NOS2: variants seen among roughly 807,000 people sequenced by gnomAD.
NOS2 encodes nitric oxide synthase 2, also known as nitric oxide synthase, inducible.
NOS2 carries 96 observed loss-of-function variants against 136.0 expected under a neutral mutation model. The observed-to-expected ratio is 0.71, with a 90% CI of 0.60 to 0.84. NOS2 has a LOEUF of 0.84. NOS2 is among the 40% of genes least tolerant of loss of function. The probability of loss-of-function intolerance (pLI) is 0.00; values close to 1 mark genes in which losing one functional copy is unlikely to be tolerated. For missense variants in NOS2, 1,237 were observed against 1,496.9 expected (o/e 0.83, Z 2.87); for synonymous variants, 539 against 587.5 (o/e 0.92, Z 1.20).
chr17:27,773,030 G>T, intron 13 of NOS2, 131 bp downstream of exon 13: 1 of 793,468 alleles, frequency 1.3e-6, no homozygotes, highest in Non-Finnish European at 2.2e-6. Flanking sequence ...GTAAGACCCT[G>T]TCTCAAAAAC....
At position 27,783,041 on chromosome 17, in the gene NOS2, G is replaced by A. The variant is rs746500685; in HGVS notation, c.533C>T (p.Thr178Ile). Residue 178 changes from threonine to isoleucine, a missense_variant, in exon 6 of 27, where the codon ACC (threonine) becomes ATC (isoleucine). This residue lies in a region of NOS2 where 440 missense variants were observed against 545.4 expected (regional missense o/e 0.81). Transcript: ENST00000313735. ...AVTKEIETTG[T>I]YQLTGDELIF... ...GAGCTCATCTCCCGTCAGTTGGTAG[G>A]TTCCTGTTGTTTCTATCTCCTTTGT... 1.2e-6 allele frequency: 2 copies of A among 1,614,074 alleles called. No individual in the cohort carries two copies. The highest frequency in any genetic ancestry group is 2.2e-5 in the East Asian group (1 of 44,894).
chr17:27,766,838 A>G (rs28662210), intron 18 of NOS2, among the ~76,000 whole-genome samples: 102,971 of 151,870 alleles, frequency 0.68, 35,406 homozygotes, highest in South Asian at 0.84. Context: ...CTGGAGGTCA[A>G]GAGTTTGAGA....
Position 27,762,868 on chromosome 17 carries a change from G to A in NOS2, c.2730C>T (p.Ile910=), listed in dbSNP as rs1908177332. The change falls in exon 22 of 27, where the codon ATC becomes ATT. Residue 910 remains isoleucine (I), a synonymous_variant. Transcript: ENST00000313735. ...LPILKPRFYS[I]SSSRDHTPTE... ...TGGGCGTGTGATCCCGGGAGGAGCT[G>A]ATGGAGTAGAACCTGGGCTTCAGAA... 1.3e-6 allele frequency: 2 copies of A among 1,582,980 alleles called. No homozygotes were observed. Among genetic ancestry groups the A allele is most frequent in the South Asian group, 1.2e-5 (1 of 86,248 alleles).
At chr17:27,768,828 C>G in intron 17 of NOS2, 149 bp downstream of exon 17, 1 of 811,956 alleles carries the variant, frequency 1.2e-6, no homozygotes, top group Non-Finnish European at 1.8e-6. Flanking sequence ...CCTAAGCCCT[C>G]AGGTTTGTGG....
chr17:27,759,439 A>AT (rs1304696008), intron 25 of NOS2, among the ~76,000 whole-genome samples: 1 of 152,114 alleles, frequency 6.6e-6, no homozygotes, highest in Admixed American at 6.5e-5. Context: ...CAGTCTACCC[A>AT]TTAGGTCTCT....
chr17:27,759,952 C>G (rs1371552152), intron 25 of NOS2, 78 bp downstream of exon 25: 2 of 1,381,826 alleles, frequency 1.4e-6, no homozygotes, highest in African/African-American at 1.5e-5. Flanking sequence ...CTCGGGGAGG[C>G]GAGGGGCCTG....
chr17:27,784,766 T>C (rs539907992), intron 5 of NOS2, among the ~76,000 whole-genome samples: 9 of 152,308 alleles, frequency 5.9e-5, no homozygotes, highest in Non-Finnish European at 5.9e-5. Flanking sequence ...ATTCTTCAGA[T>C]ACAAAAGGCC....
intron 2 of NOS2, among the ~76,000 whole-genome samples, chr17:27,794,481 G>C (rs1388441690): frequency 6.6e-6 from 1 of 152,120 alleles, no homozygotes; most frequent in East Asian, 1.9e-4. Context: ...ACCCAGATGG[G>C]GCAGCAGCCC....
intron 11 of NOS2, among the ~76,000 whole-genome samples, chr17:27,777,970 A>G (rs1908711517): frequency 6.6e-6 from 1 of 151,632 alleles, no homozygotes; most frequent in African/African-American, 2.4e-5. Flanking sequence ...TGAGCCCAGG[A>G]GGTCAAGGCT....
At chr17:27,791,351 A>G (rs1448522119) in intron 2 of NOS2, among the ~76,000 whole-genome samples, 1 of 152,174 alleles carries the variant, frequency 6.6e-6, no homozygotes, top group African/African-American at 2.4e-5. Flanking sequence ...TTTTAGCAAA[A>G]GAATCCCTAC....
At chr17:27,780,549 G>A (rs1222437404) in intron 9 of NOS2, among the ~76,000 whole-genome samples, 1 of 152,194 alleles carries the variant, frequency 6.6e-6, no homozygotes, top group Non-Finnish European at 1.5e-5. Flanking sequence ...CTTCCCCTCA[G>A]CATCAACACA....
chr17:27,787,043 A>G (rs1175507739), intron 5 of NOS2, among the ~76,000 whole-genome samples: 1 of 152,198 alleles, frequency 6.6e-6, no homozygotes. Flanking sequence ...GGTAGAAAAA[A>G]GAAGAGAACT....
intron 18 of NOS2, among the ~76,000 whole-genome samples, chr17:27,767,000 C>CAAAAAAA (rs11428460): frequency 2.3e-5 from 1 of 42,770 alleles, no homozygotes; most frequent in Non-Finnish European, 4.5e-5. Context: ...GACTCCGTCT[C>CAAAAAAA]AAAAAAAAAA....
intron 1 of NOS2, among the ~76,000 whole-genome samples, chr17:27,799,195 G>A (rs1909453473): frequency 6.6e-6 from 1 of 152,190 alleles, no homozygotes; most frequent in Non-Finnish European, 1.5e-5. Flanking sequence ...GACCCAGCCA[G>A]GCTTCATCAC....
rs201995183 is a variant in NOS2 at position 27,759,053 on chromosome 17, C to A, written c.3182G>T (p.Arg1061Leu). The A allele has an allele frequency of 1.0e-5, 16 of 1,602,958 alleles. No homozygotes were observed. The highest frequency in any genetic ancestry group is 1.4e-5 in the Non-Finnish European group (16 of 1,175,336). ...GAGCACCTCGCTGGCCAGCTGCTGCCGCAGGATGTCCTGAACATAGACCTG... is the reference window on the plus strand; with the variant it reads ...GAGCACCTCGCTGGCCAGCTGCTGCAGCAGGATGTCCTGAACATAGACCTG... ...KPKVYVQDIL[R>L]QQLASEVLRV... The change falls in exon 26 of 27, where the codon CGG becomes CTG. Residue 1061 changes from arginine (R) to leucine (L), a missense_variant. Around this residue, in one of 3 missense-constraint regions of NOS2, gnomAD observed 782 missense variants for 909.9 expected, o/e 0.86. Transcript: ENST00000313735.
chr17:27,789,932 C>T (rs918845133), intron 2 of NOS2, among the ~76,000 whole-genome samples: 3 of 152,198 alleles, frequency 2.0e-5, no homozygotes, highest in Non-Finnish European at 2.9e-5. Context: ...CTGGCCCAAA[C>T]AGCAGCCCAT....
intron 16 of NOS2, 147 bp downstream of exon 16, chr17:27,769,388 C>G: frequency 1.2e-5 from 9 of 771,888 alleles, no homozygotes; most frequent in Non-Finnish European, 1.3e-5. Context: ...TGACCCTCGA[C>G]ACATTCTGAG....
chr17:27,779,057 C>A lies in NOS2; in HGVS notation c.1005-1G>T. On this transcript the variant is annotated splice_acceptor_variant, in intron 9 of 26. Coordinates refer to ENST00000313735, the MANE Select transcript of NOS2 (RefSeq NM_000625.4). LOFTEE classifies it high-confidence loss of function. ...CTCCAGTTCCCGAAACCACTCGTAT[C>A]TGGCAAAAAGGTAGACACAATTTAA... 1 of 1,499,582 alleles carries A rather than the reference C, an allele frequency of 6.7e-7. No homozygotes were observed. The highest frequency in any genetic ancestry group is 2.4e-5 in the East Asian group (1 of 41,856). The allele number at this position is 1,499,582 out of a possible 1,614,324, so 92.9% of individuals were successfully genotyped here.
rs1329892254 is a variant in NOS2 at position 27,760,668 on chromosome 17, A to AGGGCGCGATGCCTGTGCC, written c.2947_2964dup (p.Gly983_Pro988dup). 6.4e-7 allele frequency: 1 copy of AGGGCGCGATGCCTGTGCC among 1,552,868 alleles called. No homozygotes were observed. The highest frequency in any genetic ancestry group is 2.0e-5 in the Admixed American group (1 of 51,218). On this transcript the variant is annotated inframe_insertion, in exon 24 of 27. Coordinates refer to ENST00000313735, the MANE Select transcript of NOS2 (RefSeq NM_000625.4). ...AGCCGTTGCTGCCAGAAACTGCGGA[A>AGGGCGCGATGCCTGTGCC]GGGCGCGATGCCTGTGCCAGGCCCG...
Sources: gnomAD v4.1 joint callset for allele counts (sites outside exome capture counted in the v4.1 genomes callset) on GRCh38, gnomAD v4.1.1 for gene constraint, gnomAD v4.1.1 regional missense constraint, MANE v1.5 for transcripts, NCBI Gene and HGNC (gene_info 2026-07-23, HGNC 2026-07-21) for gene names.